The following CAST variants were observed in gnomAD, a reference collection of about 807,000 sequenced individuals.
The protein encoded by CAST is MIR583 host.
Under a neutral mutation model 119.6 loss-of-function variants are expected in CAST, and 76 were observed. The ratio of observed to expected loss-of-function variants is 0.64; its 90% CI spans 0.53 to 0.77. The LOEUF (loss-of-function observed/expected upper bound fraction) is 0.77, where lower values mean the gene tolerates loss of function less well. CAST is among the 30% of genes least tolerant of loss of function. The probability of loss-of-function intolerance (pLI) is 0.00; values close to 1 mark genes in which losing one functional copy is unlikely to be tolerated. For missense variants in CAST, 953 were observed against 946.5 expected, an observed-to-expected ratio of 1.01 and a Z score of -0.09; for synonymous variants, 319 against 331.6, an observed-to-expected ratio of 0.96 and a Z score of 0.41.
In CAST at chr5:96,534,948, G is replaced by GGGAAA. The variant is rs1345280885; in HGVS notation, c.60+5069_60+5070insGAAAG. Among the ~76,000 whole-genome samples, 228 of 112,184 alleles carry GGGAAA rather than the reference G, an allele frequency of 2.0e-3. 13 individuals are homozygous for GGGAAA. In the East Asian group the frequency reaches 0.066, roughly 32 times the overall value. The allele number at this position is 112,184 out of a possible 152,430, so 73.6% of individuals were successfully genotyped here. A position where few individuals can be genotyped will look rare whatever the true frequency, so the allele number is the denominator to read the frequency against. On this transcript the variant is annotated intron_variant, in intron 1 of 11. Coordinates refer to the CAST transcript ENST00000505143. Reference sequence around the variant, plus strand: ...AATAAAGAAAGAAAGAAAGAGAAAGGGAAAGAAAGAAAGAAAAAGAAAACT... The same window carrying GGGAAA: ...AATAAAGAAAGAAAGAAAGAGAAAGGGGAAAGAAAGAAAGAAAGAAAAAGAAAACT...
At chr5:96,023,401 C>T in the CAST span, among the ~76,000 whole-genome samples, 1 of 152,168 alleles carries the variant, frequency 6.6e-6, no homozygotes, top group Non-Finnish European at 1.5e-5. Context: ...GAGTTTGAAA[C>T]GTTGAGTAGG....
the CAST span, among the ~76,000 whole-genome samples, chr5:95,973,775 A>G: frequency 2.0e-5 from 3 of 152,168 alleles, no homozygotes; most frequent in African/African-American, 7.2e-5. Context: ...AGAAAGAAAC[A>G]AATTCTCTCA....
chr5:96,605,827 A>T (rs1747243053), intron 1 of CAST, among the ~76,000 whole-genome samples: 1 of 152,220 alleles, frequency 6.6e-6, no homozygotes, highest in South Asian at 2.1e-4. Flanking sequence ...TAAACAGTGG[A>T]CTATAGAGAG....
the CAST span, among the ~76,000 whole-genome samples, chr5:96,519,278 AG>A: frequency 2.0e-5 from 3 of 152,216 alleles, no homozygotes; most frequent in Non-Finnish European, 4.4e-5. Flanking sequence ...GGACCAAAAC[AG>A]GACCAAGTTA....
the CAST span, among the ~76,000 whole-genome samples, chr5:96,150,324 G>A: frequency 6.6e-6 from 1 of 152,214 alleles, no homozygotes; most frequent in South Asian, 2.1e-4. Context: ...AGGGCTCCAG[G>A]GTTGAGGAGA....
the CAST span, among the ~76,000 whole-genome samples, chr5:96,472,134 C>T: frequency 1.3e-5 from 2 of 152,128 alleles, no homozygotes; most frequent in Non-Finnish European, 2.9e-5. Context: ...GTCTACAACT[C>T]CTGTGCTTTT....
intron 1 of CAST, among the ~76,000 whole-genome samples, chr5:96,655,406 A>G (rs1379800347): frequency 6.6e-6 from 1 of 152,196 alleles, no homozygotes; most frequent in Non-Finnish European, 1.5e-5. Flanking sequence ...CCAGGCAAAG[A>G]GAAGCTTTAG....
the CAST span, among the ~76,000 whole-genome samples, chr5:96,491,575 G>A: frequency 6.6e-6 from 1 of 150,640 alleles, no homozygotes; most frequent in African/African-American, 2.4e-5. Context: ...TACCGCATGT[G>A]GCAATGTAAA....
At chr5:96,515,371 G>A in the CAST span, among the ~76,000 whole-genome samples, 18 of 151,590 alleles carry the variant, frequency 1.2e-4, no homozygotes, top group Non-Finnish European at 2.2e-4. Flanking sequence ...AAAGGTGAGC[G>A]TGATAAATGG....
At chr5:96,484,361 C>T in the CAST span, among the ~76,000 whole-genome samples, 1 of 152,156 alleles carries the variant, frequency 6.6e-6, no homozygotes, top group Admixed American at 6.6e-5. Context: ...AAAGCCAACA[C>T]AATTTTAATT....
At chr5:96,635,915 A>G (rs991241792) in intron 1 of CAST, among the ~76,000 whole-genome samples, 5 of 152,174 alleles carry the variant, frequency 3.3e-5, no homozygotes, top group African/African-American at 1.2e-4. Context: ...ACTTCCTAGA[A>G]CCCTGGCTTC....
chr5:96,383,266 T>C, the CAST span, among the ~76,000 whole-genome samples: 1 of 151,972 alleles, frequency 6.6e-6, no homozygotes, highest in Non-Finnish European at 1.5e-5. Context: ...GAGGAAAGCA[T>C]TTCTAGCAGA....
chr5:96,117,203 T>G, the CAST span, among the ~76,000 whole-genome samples: 2 of 152,232 alleles, frequency 1.3e-5, no homozygotes, highest in African/African-American at 4.8e-5. Flanking sequence ...GTGTCTTGCT[T>G]AAGAAATTTT....
the CAST span, among the ~76,000 whole-genome samples, chr5:95,997,104 C>G: frequency 6.6e-6 from 1 of 152,136 alleles, no homozygotes; most frequent in African/African-American, 2.4e-5. Context: ...AACAGATTCT[C>G]TAAGGGTCAA....
chr5:96,181,984 A>G, the CAST span, among the ~76,000 whole-genome samples: 1,684 of 152,336 alleles, frequency 0.011, 38 homozygotes, highest in African/African-American at 0.039. Flanking sequence ...TCTCATTTCT[A>G]TAAAATGGAT....
At chr5:96,230,604 A>T in the CAST span, among the ~76,000 whole-genome samples, 2 of 152,140 alleles carry the variant, frequency 1.3e-5, no homozygotes, top group Non-Finnish European at 2.9e-5. Flanking sequence ...TTTCTTCGAT[A>T]TGACTCCAAA....
the CAST span, among the ~76,000 whole-genome samples, chr5:96,228,578 C>T: frequency 1.3e-5 from 2 of 152,174 alleles, no homozygotes; most frequent in Non-Finnish European, 2.9e-5. Flanking sequence ...CATTTGCAAT[C>T]CTTTTTGCTA....
chr5:96,008,158 A>T, the CAST span, among the ~76,000 whole-genome samples: 1 of 152,190 alleles, frequency 6.6e-6, no homozygotes, highest in African/African-American at 2.4e-5. Context: ...ATTTTGTTAT[A>T]GCAACCTGAG....
the CAST span, among the ~76,000 whole-genome samples, chr5:96,136,747 C>T: frequency 6.6e-6 from 1 of 152,164 alleles, no homozygotes; most frequent in Non-Finnish European, 1.5e-5. Context: ...TAATCTCCCT[C>T]CAACAATGAG....
Sources: gnomAD v4.1 joint callset for allele counts (sites outside exome capture counted in the v4.1 genomes callset) on GRCh38, gnomAD v4.1.1 for gene constraint, MANE v1.5 for transcripts, NCBI Gene and HGNC (gene_info 2026-07-23, HGNC 2026-07-21) for gene names.